Variants in ANKS1B observed in about 807,000 individuals in gnomAD.
The protein encoded by ANKS1B is ankyrin repeat and sterile alpha motif domain containing 1B.
Under a neutral mutation model 148.3 loss-of-function variants are expected in ANKS1B, and 36 were observed. The observed-to-expected ratio is 0.24, with a 90% CI of 0.19 to 0.32. The LOEUF is 0.32. ANKS1B is among the 10% of genes least tolerant of loss of function. ANKS1B has a pLI of 1.00. For synonymous variants in ANKS1B, 542 were observed against 560.8 expected, an observed-to-expected ratio of 0.97 and a Z score of 0.47; for missense variants, 1,157 against 1,542.6, an observed-to-expected ratio of 0.75 and a Z score of 4.19.
At chr12:99,852,509 C>G (rs2088076519) in intron 1 of ANKS1B, among the ~76,000 whole-genome samples, 1 of 152,174 alleles carries the variant, frequency 6.6e-6, no homozygotes, top group Non-Finnish European at 1.5e-5. Context: ...TAGTTTCCAG[C>G]ATTTCTCAGA....
chr12:99,014,531 T>A (rs1457370285), intron 17 of ANKS1B, among the ~76,000 whole-genome samples: 1 of 152,104 alleles, frequency 6.6e-6, no homozygotes, highest in African/African-American at 2.4e-5. Flanking sequence ...ATGGGGACAA[T>A]TTAAGCTAAA....
chr12:99,722,796 C>A (rs1486206583), intron 8 of ANKS1B, among the ~76,000 whole-genome samples: 1 of 152,218 alleles, frequency 6.6e-6, no homozygotes, highest in Non-Finnish European at 1.5e-5. Context: ...ACCATAATAG[C>A]ATGTGAATCC....
intron 9 of ANKS1B, among the ~76,000 whole-genome samples, chr12:99,560,242 T>C (rs2097318920): frequency 6.6e-6 from 1 of 152,158 alleles, no homozygotes; most frequent in African/African-American, 2.4e-5. Flanking sequence ...GTAATATTAA[T>C]TTCTTATAAT....
chr12:99,461,045 C>T (rs930534085), intron 10 of ANKS1B, among the ~76,000 whole-genome samples: 3 of 148,366 alleles, frequency 2.0e-5, no homozygotes, highest in Admixed American at 6.6e-5. Flanking sequence ...TGGATATATA[C>T]ATGTATATAT....
chr12:99,629,379 C>A (rs567803368), intron 9 of ANKS1B, among the ~76,000 whole-genome samples: 2 of 152,256 alleles, frequency 1.3e-5, no homozygotes, highest in Non-Finnish European at 2.9e-5. Flanking sequence ...ACTTGAACAA[C>A]TTTTCCTGTG....
intron 17 of ANKS1B, chr12:98,895,395 G>T: frequency 2.4e-6 from 2 of 832,714 alleles, no homozygotes; most frequent in Non-Finnish European, 2.9e-6. Flanking sequence ...GCTCGGCAGC[G>T]GCAGAGCAGT....
At chr12:99,494,522 A>C (rs1455360944) in intron 10 of ANKS1B, among the ~76,000 whole-genome samples, 1 of 152,020 alleles carries the variant, frequency 6.6e-6, no homozygotes, top group Non-Finnish European at 1.5e-5. Context: ...TTACGAGGTC[A>C]GGAGATTGAG....
chr12:99,070,915 T>C (rs2046067634), intron 16 of ANKS1B, among the ~76,000 whole-genome samples: 1 of 152,214 alleles, frequency 6.6e-6, no homozygotes, highest in African/African-American at 2.4e-5. Context: ...TCCTCCTGCC[T>C]TGGCCTCCCA....
At chr12:99,713,119 G>T (rs1261926887) in intron 8 of ANKS1B, among the ~76,000 whole-genome samples, 6 of 152,124 alleles carry the variant, frequency 3.9e-5, no homozygotes, top group African/African-American at 1.4e-4. Flanking sequence ...CAAACAAGAG[G>T]CTCTTCCACA....
chr12:98,795,022 C>A (rs2098935212), intron 22 of ANKS1B: 1 of 748,262 alleles, frequency 1.3e-6, no homozygotes. Context: ...CCTTTGGAGA[C>A]TTGAAACTGC....
chr12:99,071,927 G>A (rs1007584027), intron 16 of ANKS1B, among the ~76,000 whole-genome samples: 1 of 152,172 alleles, frequency 6.6e-6, no homozygotes, highest in African/African-American at 2.4e-5. Flanking sequence ...TTACAGGTAT[G>A]AGCCACCGTG....
intron 12 of ANKS1B, among the ~76,000 whole-genome samples, chr12:99,391,397 T>A (rs969791646): frequency 2.0e-5 from 3 of 152,250 alleles, no homozygotes; most frequent in Non-Finnish European, 4.4e-5. Flanking sequence ...CTCTCTGACC[T>A]GCAGTTTCAT....
chr12:99,798,973 A>C (rs2066600511), intron 4 of ANKS1B, among the ~76,000 whole-genome samples: 2 of 151,982 alleles, frequency 1.3e-5, no homozygotes, highest in Non-Finnish European at 2.9e-5. Context: ...ACACCTTTCC[A>C]CTATTTAAAA....
chr12:98,856,882 A>G (rs1031384791), intron 17 of ANKS1B, among the ~76,000 whole-genome samples: 1 of 152,220 alleles, frequency 6.6e-6, no homozygotes, highest in South Asian at 2.1e-4. Flanking sequence ...GTATGACATG[A>G]GTGTTCACTT....
At chr12:99,620,176 C>T (rs1203581939) in intron 9 of ANKS1B, among the ~76,000 whole-genome samples, 2 of 152,046 alleles carry the variant, frequency 1.3e-5, no homozygotes, top group Admixed American at 6.6e-5. Context: ...CAGTCACACC[C>T]CTTAGGGAGA....
chr12:99,605,578 T>C (rs1407173923), intron 9 of ANKS1B, among the ~76,000 whole-genome samples: 1 of 152,106 alleles, frequency 6.6e-6, no homozygotes, highest in Non-Finnish European at 1.5e-5. Flanking sequence ...AGTGAGAATA[T>C]GTAGCATTTG....
At chr12:98,966,878 G>T (rs958756096) in intron 17 of ANKS1B, among the ~76,000 whole-genome samples, 1 of 135,500 alleles carries the variant, frequency 7.4e-6, no homozygotes, top group East Asian at 2.6e-4. Flanking sequence ...ATCACACACC[G>T]GGGCCTGTCG....
intron 12 of ANKS1B, among the ~76,000 whole-genome samples, chr12:99,272,453 T>C (rs1308565160): frequency 6.6e-6 from 1 of 152,200 alleles, no homozygotes; most frequent in East Asian, 1.9e-4. Flanking sequence ...ATCTGTCTAC[T>C]ATAACTATTT....
chr12:99,982,619 T>A (rs1257884988), intron 1 of ANKS1B, among the ~76,000 whole-genome samples: 2 of 152,320 alleles, frequency 1.3e-5, no homozygotes, highest in East Asian at 3.9e-4. Context: ...ATAAATTGCT[T>A]TCACATAAAC....
Sources: allele counts gnomAD v4.1 joint callset (sites outside exome capture counted in the v4.1 genomes callset), GRCh38; gene constraint gnomAD v4.1.1; transcripts MANE v1.5; gene names NCBI Gene and HGNC (gene_info 2026-07-23, HGNC 2026-07-21).